Variants in SIPA1L3 observed in about 807,000 individuals in gnomAD.
SIPA1L3 encodes the protein signal-induced proliferation-associated 1-like protein 3.
A neutral mutation model predicts 150.1 loss-of-function variants in SIPA1L3; 59 were observed. The ratio of observed to expected loss-of-function variants is 0.39; its 90% CI spans 0.32 to 0.49. SIPA1L3 has a LOEUF of 0.49. Ranked by LOEUF, SIPA1L3 falls within the 20% of genes least tolerant of loss-of-function variation. The pLI, the probability that SIPA1L3 is intolerant of heterozygous loss-of-function variation, is 0.86. For missense variants in SIPA1L3, 2,211 were observed against 2,489.5 expected, an observed-to-expected ratio of 0.89 and a Z score of 2.38; for synonymous variants, 1,070 against 1,077.6, an observed-to-expected ratio of 0.99 and a Z score of 0.14.
chr19:38,167,577 T>G (rs995719158), intron 15 of SIPA1L3, among the ~76,000 whole-genome samples: 1 of 152,140 alleles, frequency 6.6e-6, no homozygotes, highest in Non-Finnish European at 1.5e-5. Flanking sequence ...CTGTTTGTTT[T>G]TTAGAAACAG....
chr19:38,009,338 A>C (rs1427680480), intron 1 of SIPA1L3, among the ~76,000 whole-genome samples: 2 of 152,046 alleles, frequency 1.3e-5, no homozygotes, highest in Non-Finnish European at 2.9e-5. Flanking sequence ...CTATTATTCC[A>C]TGGAGAATAG....
intron 1 of SIPA1L3, among the ~76,000 whole-genome samples, chr19:37,946,312 G>T (rs1055566090): frequency 1.9e-4 from 29 of 152,124 alleles, no homozygotes; most frequent in Admixed American, 1.4e-3. Context: ...TTGTGTGTGT[G>T]TGTGGAGATG....
At chr19:38,012,009 C>T (rs970255037) in intron 1 of SIPA1L3, among the ~76,000 whole-genome samples, 6 of 151,768 alleles carry the variant, frequency 4.0e-5, no homozygotes, top group Admixed American at 3.9e-4. Context: ...TGCATCATTG[C>T]TGGATCCCTG....
chr19:38,059,502 C>T (rs542865081), intron 2 of SIPA1L3, among the ~76,000 whole-genome samples: 1 of 152,068 alleles, frequency 6.6e-6, no homozygotes, highest in South Asian at 2.1e-4. Flanking sequence ...TGGGGTTTCA[C>T]CATGTTAGCT....
At chr19:37,979,168 G>T (rs768566465) in intron 1 of SIPA1L3, among the ~76,000 whole-genome samples, 1 of 152,086 alleles carries the variant, frequency 6.6e-6, no homozygotes, top group Non-Finnish European at 1.5e-5. Context: ...GCCTGTTTTT[G>T]TATGGCCAGG....
chr19:38,021,765 C>G (rs546160210), intron 1 of SIPA1L3, among the ~76,000 whole-genome samples: 14 of 152,182 alleles, frequency 9.2e-5, no homozygotes, highest in Admixed American at 8.5e-4. Context: ...AGGCTGGTCT[C>G]TAACTCCTGG....
chr19:38,137,208 A>G (rs1373672155), intron 10 of SIPA1L3, among the ~76,000 whole-genome samples: 1 of 151,956 alleles, frequency 6.6e-6, no homozygotes, highest in African/African-American at 2.4e-5. Context: ...GTTGTTTTTG[A>G]GATGGAGTCT....
At position 38,182,772 on chromosome 19, in the gene SIPA1L3, C is replaced by A. The variant is rs535052046; in HGVS notation, c.4430+32C>A. ...GCCTGGACGTCCAGCGAGGCGCCCG[C>A]CAGATCCACACCAGGGCGTCTCCGG... On this transcript the variant is annotated intron_variant, in intron 16 of 21. Coordinates refer to ENST00000222345, the MANE Select transcript of SIPA1L3 (RefSeq NM_015073.3). 4 of 1,548,270 alleles carry A rather than the reference C, an allele frequency of 2.6e-6. No individual in the cohort carries two copies. In the East Asian group the frequency reaches 9.0e-5, roughly 35 times the overall value.
At chr19:38,090,902 G>A (rs897188944) in intron 4 of SIPA1L3, among the ~76,000 whole-genome samples, 1 of 152,202 alleles carries the variant, frequency 6.6e-6, no homozygotes, top group African/African-American at 2.4e-5. Context: ...GGAAGAGGCA[G>A]CCCTAAAGCC....
intron 15 of SIPA1L3, among the ~76,000 whole-genome samples, chr19:38,181,443 G>A (rs1294800227): frequency 6.6e-6 from 1 of 152,130 alleles, no homozygotes; most frequent in African/African-American, 2.4e-5. Context: ...GCCAGCCTGG[G>A]CAACATAGCG....
At chr19:38,100,237 C>A (rs574453052) in intron 5 of SIPA1L3, 87 bp downstream of exon 5, 1 of 1,085,972 alleles carries the variant, frequency 9.2e-7, no homozygotes, top group African/African-American at 1.7e-5. Flanking sequence ...TGGTCACTTT[C>A]TTTTTTCTTT....
At chr19:38,155,879 G>A (rs1025690480) in intron 13 of SIPA1L3, among the ~76,000 whole-genome samples, 18 of 152,068 alleles carry the variant, frequency 1.2e-4, no homozygotes, top group Admixed American at 5.2e-4. Flanking sequence ...TCAGGAGTTC[G>A]AGACCAGCCT....
intron 1 of SIPA1L3, among the ~76,000 whole-genome samples, chr19:37,979,777 T>C (rs777126209): frequency 7.2e-5 from 11 of 152,224 alleles, no homozygotes; most frequent in Non-Finnish European, 1.3e-4. Flanking sequence ...ACACTTTCCT[T>C]TAGTAATGCG....
chr19:38,201,320 G>C (rs959293423), intron 19 of SIPA1L3, among the ~76,000 whole-genome samples: 5 of 152,214 alleles, frequency 3.3e-5, no homozygotes, highest in African/African-American at 1.2e-4. Context: ...CGGGACCCAG[G>C]AATCTTCACT....
At chr19:37,917,980 G>A (rs960327251) in intron 1 of SIPA1L3, among the ~76,000 whole-genome samples, 4 of 151,930 alleles carry the variant, frequency 2.6e-5, no homozygotes, top group Non-Finnish European at 4.4e-5. Context: ...ACTCCAGCCT[G>A]GGTGACGGAG....
At chr19:38,077,473 G>A (rs1311948052) in intron 2 of SIPA1L3, among the ~76,000 whole-genome samples, 2 of 151,480 alleles carry the variant, frequency 1.3e-5, no homozygotes, top group African/African-American at 4.9e-5. Flanking sequence ...TAATAAAAAT[G>A]AATAAGAAAA....
At chr19:37,951,915 A>G (rs921627978) in intron 1 of SIPA1L3, among the ~76,000 whole-genome samples, 20 of 124,564 alleles carry the variant, frequency 1.6e-4, no homozygotes, top group Non-Finnish European at 5.1e-5. Flanking sequence ...AAAAAAAAAA[A>G]AGCCCCACTG....
chr19:38,206,984 C>G lies in SIPA1L3; in HGVS notation c.*744C>G, dbSNP rs141098994. On this transcript the variant is annotated 3_prime_UTR_variant, in exon 22 of 22. Coordinates refer to ENST00000222345, the MANE Select transcript of SIPA1L3 (RefSeq NM_015073.3). ...ATACGATCTTTTTCTATCAGCTCCT[C>G]TTCCGCCAGAGGCCACTGCACCTGG... 1,071 of 152,390 alleles carry G rather than the reference C, an allele frequency of 7.0e-3. 4 individuals carry two copies. The highest frequency in any genetic ancestry group is 0.011 in the Non-Finnish European group (763 of 68,048). 9.4% of individuals were successfully genotyped at this position (152,390 alleles called of 1,614,324 possible). A position where few individuals can be genotyped will look rare whatever the true frequency, so the allele number is the denominator to read the frequency against.
rs927413031 is a variant in SIPA1L3 at position 38,164,049 on chromosome 19, G to C, written c.3781-430G>C. Among the ~76,000 whole-genome samples, 1 of 152,206 alleles carries C rather than the reference G, an allele frequency of 6.6e-6. No individual in the cohort carries two copies. On this transcript the variant is annotated intron_variant, in intron 14 of 21. Transcript: ENST00000222345. This position sits in a 1 kb window ranked among gnomAD's most constrained non-coding sequence, Gnocchi z 4.1. ...CAGGTCCCGGATCTGTGTTGAGGAC[G>C]CGGGCAGCAGGGTTTGCTAGTGGGC...
Sources: allele counts gnomAD v4.1 joint callset (sites outside exome capture counted in the v4.1 genomes callset), GRCh38; gene constraint gnomAD v4.1.1; non-coding constraint Gnocchi (gnomAD v3.1); transcripts MANE v1.5; gene names NCBI Gene and HGNC (gene_info 2026-07-23, HGNC 2026-07-21).